FOXP1: variants seen among roughly 807,000 people sequenced by gnomAD.
FOXP1 encodes forkhead box P1.
In FOXP1, 15 loss-of-function variants were observed where a neutral mutation model predicts 98.2. That is an observed-to-expected ratio of 0.15 (90% CI 0.10 to 0.24). FOXP1 has a LOEUF of 0.24. FOXP1 is among the 10% of genes least tolerant of loss of function. The pLI, the probability that FOXP1 is intolerant of heterozygous loss-of-function variation, is 1.00. For missense variants in FOXP1, 633 were observed against 848.5 expected (o/e 0.75, Z 3.15); for synonymous variants, 371 against 314.5 (o/e 1.18, Z -1.90).
chr3:71,024,807 TTAAC>T (rs765657301), intron 11 of FOXP1, among the ~76,000 whole-genome samples: 12 of 152,244 alleles, frequency 7.9e-5, no homozygotes, highest in Non-Finnish European at 1.3e-4. Context: ...GAGGACTACC[TTAAC>T]TAACTTTACA....
Position 70,956,478 on chromosome 3 carries a change from C to T in FOXP1, c.*2769G>A, listed in dbSNP as rs545507911. The T allele has an allele frequency of 5.9e-5, 13 of 220,924 alleles. No individual in the cohort carries two copies. In the South Asian group the frequency reaches 2.4e-3, roughly 42 times the overall value. 13.7% of individuals were successfully genotyped at this position (220,924 alleles called of 1,614,324 possible). A position where few individuals can be genotyped will look rare whatever the true frequency, so the allele number is the denominator to read the frequency against. Reference sequence around the variant, plus strand: ...ATGCAAGACATACGACTAAGTGCAACTGAGTGAAATGTTTTTTTTTTAAAT... The same window carrying T: ...ATGCAAGACATACGACTAAGTGCAATTGAGTGAAATGTTTTTTTTTTAAAT... On this transcript the variant is annotated 3_prime_UTR_variant, in exon 21 of 21. Transcript: ENST00000649528.
At position 71,198,241 on chromosome 3, in the gene FOXP1, C is replaced by T. The variant is rs770131060; in HGVS notation, c.141G>A (p.Gly47=). 6.2e-7 allele frequency: 1 copy of T among 1,614,116 alleles called. No individual in the cohort carries two copies. Among genetic ancestry groups the T allele is most frequent in the Admixed American group, 1.7e-5 (1 of 60,026 alleles). The change falls in exon 6 of 21, where the codon GGG becomes GGA. Residue 47 remains glycine (G), a synonymous_variant. Coordinates refer to ENST00000649528, the MANE Select transcript of FOXP1 (RefSeq NM_001349338.3). ...GCTGGGCGTGGGCGAGGTCAGCTGCCCCGATGTCCACGGCCGGCGTCTCTC... is the reference window on the plus strand; with the variant it reads ...GCTGGGCGTGGGCGAGGTCAGCTGCTCCGATGTCCACGGCCGGCGTCTCTC... ...SNGETPAVDI[G]AADLAHAQQQ...
At chr3:71,559,871 G>T (rs138071192) in intron 2 of FOXP1, among the ~76,000 whole-genome samples, 77 of 151,342 alleles carry the variant, frequency 5.1e-4, no homozygotes, top group African/African-American at 1.6e-3. Flanking sequence ...TTGCGGGGGG[G>T]ACCTACTAGG....
At chr3:70,982,915 C>G (rs1371209775) in intron 14 of FOXP1, among the ~76,000 whole-genome samples, 2 of 152,188 alleles carry the variant, frequency 1.3e-5, no homozygotes, top group African/African-American at 4.8e-5. Flanking sequence ...ACCTGAAACC[C>G]AAACACCAAG....
chr3:71,202,186 G>C (rs1241652376), intron 5 of FOXP1, among the ~76,000 whole-genome samples: 1 of 152,232 alleles, frequency 6.6e-6, no homozygotes, highest in Admixed American at 6.5e-5. Flanking sequence ...CAGGCATCAA[G>C]CCAAGCAGCT....
intron 4 of FOXP1, among the ~76,000 whole-genome samples, chr3:71,307,847 A>G (rs2074386557): frequency 6.6e-6 from 1 of 152,210 alleles, no homozygotes; most frequent in African/African-American, 2.4e-5. Flanking sequence ...AACTGAATAT[A>G]TTATACAATT....
chr3:71,260,249 C>T (rs535092652), intron 5 of FOXP1, among the ~76,000 whole-genome samples: 1 of 152,282 alleles, frequency 6.6e-6, no homozygotes, highest in Non-Finnish European at 1.5e-5. Context: ...TCCCAAAGTG[C>T]TGGGATTACA....
intron 4 of FOXP1, among the ~76,000 whole-genome samples, chr3:71,356,939 T>C (rs1046286035): frequency 2.0e-5 from 3 of 152,192 alleles, no homozygotes; most frequent in Admixed American, 6.5e-5. Flanking sequence ...ACAAGAATCA[T>C]GTACAGGCCA....
intron 5 of FOXP1, among the ~76,000 whole-genome samples, chr3:71,216,892 G>T (rs2064978946): frequency 6.6e-6 from 1 of 152,144 alleles, no homozygotes; most frequent in South Asian, 2.1e-4. Flanking sequence ...CACACCTGGA[G>T]GAGGGGGCTT....
intron 3 of FOXP1, among the ~76,000 whole-genome samples, chr3:71,487,457 C>T (rs549404840): frequency 3.3e-5 from 5 of 152,320 alleles, no homozygotes; most frequent in Non-Finnish European, 7.3e-5. Flanking sequence ...GCAAAGATCG[C>T]TCAAAAGCCC....
intron 5 of FOXP1, among the ~76,000 whole-genome samples, chr3:71,293,825 C>A (rs2073010464): frequency 6.6e-6 from 1 of 152,088 alleles, no homozygotes; most frequent in Non-Finnish European, 1.5e-5. Flanking sequence ...TGTTGAGAGG[C>A]CATGTCAGTC....
intron 4 of FOXP1, among the ~76,000 whole-genome samples, chr3:71,312,881 C>T (rs1017660364): frequency 6.6e-5 from 10 of 152,016 alleles, no homozygotes; most frequent in African/African-American, 2.2e-4. Context: ...GTCCCAGGTA[C>T]TCAGGAGGCT....
intron 4 of FOXP1, among the ~76,000 whole-genome samples, chr3:71,319,737 C>T (rs1273741715): frequency 2.0e-5 from 3 of 152,110 alleles, no homozygotes; most frequent in Admixed American, 6.5e-5. Flanking sequence ...GTGCACCCTC[C>T]CTTCTTCTCA....
chr3:71,258,427 T>C (rs191154608), intron 5 of FOXP1, among the ~76,000 whole-genome samples: 1 of 152,324 alleles, frequency 6.6e-6, no homozygotes, highest in Non-Finnish European at 1.5e-5. Flanking sequence ...ATAAGGGGTC[T>C]GGTATAAGCT....
intron 6 of FOXP1, among the ~76,000 whole-genome samples, chr3:71,140,012 T>C (rs1452562897): frequency 2.6e-5 from 4 of 152,150 alleles, no homozygotes; most frequent in Non-Finnish European, 5.9e-5. Flanking sequence ...AGTCTAAAGA[T>C]TTTAAACAAA....
At chr3:71,121,478 T>TA (rs371233213) in intron 6 of FOXP1, among the ~76,000 whole-genome samples, 2,117 of 124,196 alleles carry the variant, frequency 0.017, 23 homozygotes, top group African/African-American at 0.026. Flanking sequence ...TGGGAAGAGC[T>TA]AAAAAAAAAA....
chr3:71,469,535 C>A (rs888246463), intron 3 of FOXP1, among the ~76,000 whole-genome samples: 4 of 152,146 alleles, frequency 2.6e-5, no homozygotes, highest in Admixed American at 2.0e-4. Flanking sequence ...TTGAGTCATT[C>A]CTGGGATCCA....
chr3:70,977,712 C>G lies in FOXP1; in HGVS notation c.1359G>C (p.Ala453=). ...YNVPISSADI[A]QNQEFYKNAE... Reference sequence around the variant, plus strand: ...CGTTCTTATAAAATTCTTGGTTCTGCGCAATATCTGCTGAATAAGAATCAT... The same window carrying G: ...CGTTCTTATAAAATTCTTGGTTCTGGGCAATATCTGCTGAATAAGAATCAT... The change falls in exon 16 of 21, where the codon GCG becomes GCC. Residue 453 remains alanine, a synonymous_variant. Coordinates refer to ENST00000649528, the MANE Select transcript of FOXP1 (RefSeq NM_001349338.3). 1 of 1,614,006 alleles carries G rather than the reference C, an allele frequency of 6.2e-7. No individual in the cohort carries two copies. Among genetic ancestry groups the G allele is most frequent in the Non-Finnish European group, 8.5e-7 (1 of 1,179,910 alleles).
rs532824319 is a variant in FOXP1 at position 71,141,257 on chromosome 3, ACT to A, written c.181-28622_181-28621del. On this transcript the variant is annotated intron_variant, in intron 6 of 20. Coordinates refer to ENST00000649528, the MANE Select transcript of FOXP1 (RefSeq NM_001349338.3). ...CATTCCAGCCTGGTGACAGAGCAAG[ACT>A]CTGTCTCAAAAAAAAAAAAAAAAAA... Among the ~76,000 whole-genome samples, 355 of 123,724 alleles carry A rather than the reference ACT, an allele frequency of 2.9e-3. 1 individual carries two copies. Among genetic ancestry groups the A allele is most frequent in the African/African-American group, 0.012 (345 of 28,778 alleles). The allele number at this position is 123,724 out of a possible 152,430, so 81.2% of individuals were successfully genotyped here.
Sources: gnomAD v4.1 joint callset for allele counts (sites outside exome capture counted in the v4.1 genomes callset) on GRCh38, gnomAD v4.1.1 for gene constraint, MANE v1.5 for transcripts, NCBI Gene and HGNC (gene_info 2026-07-23, HGNC 2026-07-21) for gene names.